Variants in C9 observed in about 807,000 individuals in gnomAD.
C9 encodes the protein complement C9, also known as complement component C9.
A neutral mutation model predicts 65.4 loss-of-function variants in C9; 63 were observed. The ratio of observed to expected loss-of-function variants is 0.96; its 90% CI spans 0.79 to 1.19. C9 has a LOEUF of 1.19. C9 is among the 50% of genes most tolerant of loss of function. The probability of loss-of-function intolerance (pLI) is 0.00; values close to 1 mark genes in which losing one functional copy is unlikely to be tolerated. For synonymous variants in C9, 229 were observed against 227.9 expected (o/e 1.00, Z -0.04); for missense variants, 744 against 670.1 (o/e 1.11, Z -1.22).
At chr5:39,318,201 C>T (rs989235933) in intron 5 of C9, among the ~76,000 whole-genome samples, 5 of 152,056 alleles carry the variant, frequency 3.3e-5, no homozygotes, top group African/African-American at 7.2e-5. Context: ...ATTAATTTTG[C>T]ATCCTGAGAC....
chr5:39,356,309 T>C (rs1221847136), intron 1 of C9, among the ~76,000 whole-genome samples: 1 of 152,202 alleles, frequency 6.6e-6, no homozygotes, highest in Non-Finnish European at 1.5e-5. Context: ...AGTGCAATGT[T>C]TCCCTGTCTC....
chr5:39,298,363 T>C (rs532661365), intron 9 of C9, among the ~76,000 whole-genome samples: 1 of 151,742 alleles, frequency 6.6e-6, no homozygotes, highest in East Asian at 1.9e-4. Flanking sequence ...TTTTTAAAGC[T>C]GCTTTTTTGA....
Position 39,284,260 on chromosome 5 carries a change from T to G in C9, c.*939A>C, listed in dbSNP as rs1752948279. 1.3e-5 allele frequency: 2 copies of G among 152,282 alleles called. No homozygotes were observed. The highest frequency in any genetic ancestry group is 2.1e-4 in the South Asian group (1 of 4,828). The allele number at this position is 152,282 out of a possible 1,614,324, so 9.4% of individuals were successfully genotyped here. On this transcript the variant is annotated 3_prime_UTR_variant, in exon 11 of 11. Coordinates refer to ENST00000263408, the MANE Select transcript of C9 (RefSeq NM_001737.5). ...TTTTTTTATTTTGATATATTTTTCC[T>G]CTTTTCTTTCTTTCTTTCCTTTTTT...
intron 1 of C9, among the ~76,000 whole-genome samples, chr5:39,353,122 GGAA>G (rs1203883176): frequency 6.6e-6 from 1 of 152,158 alleles, no homozygotes; most frequent in Non-Finnish European, 1.5e-5. Context: ...CTCTGAAGAT[GGAA>G]GAAGAGGGCA....
intron 5 of C9, among the ~76,000 whole-genome samples, chr5:39,317,026 A>G (rs570121454): frequency 1.3e-5 from 2 of 152,120 alleles, no homozygotes; most frequent in Non-Finnish European, 2.9e-5. Context: ...TTGACTTTTT[A>G]ATAATTGTCA....
chr5:39,327,388 G>A (rs1356133887), intron 5 of C9, among the ~76,000 whole-genome samples: 1 of 152,198 alleles, frequency 6.6e-6, no homozygotes, highest in Non-Finnish European at 1.5e-5. Flanking sequence ...GGGAGCTTAA[G>A]GCAGTGGCAG....
chr5:39,347,109 C>A (rs1370221120), intron 1 of C9, among the ~76,000 whole-genome samples: 1 of 152,118 alleles, frequency 6.6e-6, no homozygotes, highest in African/African-American at 2.4e-5. Flanking sequence ...TGAAAACTGG[C>A]AAAAGACAGG....
chr5:39,362,085 A>G (rs1754532258), intron 1 of C9, among the ~76,000 whole-genome samples: 1 of 152,136 alleles, frequency 6.6e-6, no homozygotes, highest in Non-Finnish European at 1.5e-5. Context: ...CACAACGAAA[A>G]CCTTATTAGA....
intron 5 of C9, among the ~76,000 whole-genome samples, chr5:39,322,230 A>T (rs1420961244): frequency 6.6e-6 from 1 of 152,072 alleles, no homozygotes; most frequent in Non-Finnish European, 1.5e-5. Context: ...TGGAAAAATT[A>T]ACATGTTCCT....
intron 1 of C9, among the ~76,000 whole-genome samples, chr5:39,357,464 G>A (rs1388054861): frequency 6.6e-6 from 1 of 152,164 alleles, no homozygotes; most frequent in Admixed American, 6.5e-5. Flanking sequence ...CCTTTACTGA[G>A]GAACTGGTAC....
At chr5:39,343,360 A>G (rs992824397) in intron 1 of C9, among the ~76,000 whole-genome samples, 1 of 152,152 alleles carries the variant, frequency 6.6e-6, no homozygotes, top group African/African-American at 2.4e-5. Flanking sequence ...GTCTTAGCAA[A>G]CAGCACACTA....
Position 39,308,312 on chromosome 5 carries a change from AT to A in C9, c.1157del (p.Asp386ValfsTer21), listed in dbSNP as rs1561337409. Reference sequence around the variant, plus strand: ...AGATTTCAGAGAAAGCCAGAGATACATCCAGATGATACCCAAGGCATCTCTT... The same window carrying A: ...AGATTTCAGAGAAAGCCAGAGATACACCAGATGATACCCAAGGCATCTCTT... ...DIKRCLGYHLDVSLAFSEISV... is the reference protein window; with the variant it reads ...DIKRCLGYHLXVSLAFSEISV... On this transcript the variant is annotated frameshift_variant, in exon 8 of 11. Transcript: ENST00000263408. LOFTEE classifies it high-confidence loss of function. 1 of 1,604,700 alleles carries A rather than the reference AT, an allele frequency of 6.2e-7. No homozygotes were observed. The highest frequency in any genetic ancestry group is 8.5e-7 in the Non-Finnish European group (1 of 1,171,590).
rs534749376 is a variant in C9, at chr5:39,285,703, T to TG, written c.1646-471_1646-470insC. 5.0e-4 allele frequency among the ~76,000 whole-genome samples: 76 copies of TG among 151,374 alleles called. No homozygotes were observed. The South Asian group carries it at 7.3e-3, about 14-fold the overall frequency. On this transcript the variant is annotated intron_variant, in intron 10 of 10. Coordinates refer to ENST00000263408, the MANE Select transcript of C9 (RefSeq NM_001737.5). ...AGACATCTGTTTTGTTTTGTTTCTT[T>TG]TTTTTTTTTTCCTTTAAGGAAGTGA...
rs367603627 is a variant in C9, at chr5:39,356,725, A to T, written c.77+7663T>A. ...ATTATTGAAAGAATATGCTGCATAA[A>T]TACTAAGAAAGAACATAGGTGATCT... On this transcript the variant is annotated intron_variant, in intron 1 of 10. Transcript: ENST00000263408. Among the ~76,000 whole-genome samples, 209 of 152,354 alleles carry T rather than the reference A, an allele frequency of 1.4e-3. 10 individuals are homozygous for T. In the South Asian group the frequency reaches 0.04, roughly 29 times the overall value.
chr5:39,333,560 C>A (rs1345419839), intron 4 of C9, among the ~76,000 whole-genome samples: 1 of 138,130 alleles, frequency 7.2e-6, no homozygotes, highest in Non-Finnish European at 1.7e-5. Context: ...TTATATCTCC[C>A]TCTCCCTCTC....
At chr5:39,348,718 A>T (rs1561354012) in intron 1 of C9, among the ~76,000 whole-genome samples, 1 of 152,222 alleles carries the variant, frequency 6.6e-6, no homozygotes, top group Non-Finnish European at 1.5e-5. Context: ...AGGCACATGC[A>T]CACGTATGTT....
intron 4 of C9, among the ~76,000 whole-genome samples, chr5:39,338,213 G>A (rs999105255): frequency 6.6e-5 from 10 of 152,150 alleles, no homozygotes; most frequent in African/African-American, 2.4e-4. Flanking sequence ...TACTTAAGGA[G>A]TTTCATTTTT....
intron 4 of C9, among the ~76,000 whole-genome samples, chr5:39,335,459 T>C (rs1579866731): frequency 6.6e-6 from 1 of 152,204 alleles, no homozygotes; most frequent in African/African-American, 2.4e-5. Flanking sequence ...AATCATGGAT[T>C]AAAAACATTT....
At position 39,284,280 on chromosome 5, in the gene C9, T is replaced by G. The variant is rs1186101418; in HGVS notation, c.*919A>C. The G allele has an allele frequency of 6.6e-6, 1 of 152,138 alleles. No individual in the cohort carries two copies. Among genetic ancestry groups the G allele is most frequent in the Admixed American group, 6.5e-5 (1 of 15,268 alleles). 9.4% of individuals were successfully genotyped at this position (152,138 alleles called of 1,614,324 possible). ...TTTCCTCTTTTCTTTCTTTCTTTCC[T>G]TTTTTTAAAGAGTTCTCAGACCTTT... On this transcript the variant is annotated 3_prime_UTR_variant, in exon 11 of 11. Transcript: ENST00000263408.
Sources: allele counts gnomAD v4.1 joint callset (sites outside exome capture counted in the v4.1 genomes callset), GRCh38; gene constraint gnomAD v4.1.1; transcripts MANE v1.5; gene names NCBI Gene and HGNC (gene_info 2026-07-23, HGNC 2026-07-21).